The following ALOX5 variants were observed in gnomAD, a reference collection of about 807,000 sequenced individuals.
The protein encoded by ALOX5 is arachidonate 5-lipoxygenase, also known as polyunsaturated fatty acid 5-lipoxygenase.
In ALOX5, 64 loss-of-function variants were observed where a neutral mutation model predicts 87.9. That is an observed-to-expected ratio of 0.73 (90% confidence interval 0.60 to 0.90). The LOEUF (loss-of-function observed/expected upper bound fraction) is 0.90. ALOX5 is among the 40% of genes least tolerant of loss of function. The pLI is 0.00. For missense variants in ALOX5, 822 were observed against 907.5 expected, an observed-to-expected ratio of 0.91 and a Z score of 1.21; for synonymous variants, 388 against 355.1, an observed-to-expected ratio of 1.09 and a Z score of -1.04.
At chr10:45,390,179 A>G (rs952933179) in intron 2 of ALOX5, among the ~76,000 whole-genome samples, 2 of 152,250 alleles carry the variant, frequency 1.3e-5, no homozygotes, top group Non-Finnish European at 2.9e-5. Context: ...AGGAGCACCC[A>G]GATTTATAAA....
intron 8 of ALOX5, among the ~76,000 whole-genome samples, chr10:45,440,843 C>G (rs1842213059): frequency 6.6e-6 from 1 of 152,198 alleles, no homozygotes; most frequent in Non-Finnish European, 1.5e-5. Context: ...GGGGCATGGG[C>G]CTGACACACG....
chr10:45,426,108 G>C (rs924009513), intron 6 of ALOX5, among the ~76,000 whole-genome samples: 1 of 152,238 alleles, frequency 6.6e-6, no homozygotes, highest in African/African-American at 2.4e-5. Flanking sequence ...CACACACTGA[G>C]AGAGCATCTG....
intron 4 of ALOX5, among the ~76,000 whole-genome samples, chr10:45,419,286 A>G (rs2132786788): frequency 6.8e-6 from 1 of 146,654 alleles, no homozygotes; most frequent in South Asian, 2.1e-4. Context: ...AGGCCGAGAG[A>G]GAAAGCGGGG....
At chr10:45,429,654 A>G (rs1841847970) in intron 7 of ALOX5, among the ~76,000 whole-genome samples, 2 of 152,200 alleles carry the variant, frequency 1.3e-5, no homozygotes, top group African/African-American at 2.4e-5. Flanking sequence ...TTTCCATTCA[A>G]TGTGATATGT....
At chr10:45,426,477 C>G (rs1030488625) in intron 6 of ALOX5, among the ~76,000 whole-genome samples, 10 of 152,240 alleles carry the variant, frequency 6.6e-5, no homozygotes, top group Non-Finnish European at 1.3e-4. Flanking sequence ...CTGGCAGCAC[C>G]TTAATGATCT....
intron 7 of ALOX5, among the ~76,000 whole-genome samples, chr10:45,437,359 A>G (rs1446144258): frequency 1.3e-5 from 2 of 152,254 alleles, no homozygotes; most frequent in Admixed American, 1.3e-4. Flanking sequence ...TCAAATAAAA[A>G]GAAATGCTAC....
chr10:45,388,869 A>C (rs1403662594), intron 2 of ALOX5, among the ~76,000 whole-genome samples: 1 of 152,262 alleles, frequency 6.6e-6, no homozygotes, highest in African/African-American at 2.4e-5. Context: ...TGAGAGAAGA[A>C]GGCTTCAGAT....
intron 4 of ALOX5, among the ~76,000 whole-genome samples, chr10:45,422,511 G>A (rs768666222): frequency 2.6e-5 from 4 of 152,232 alleles, no homozygotes; most frequent in Non-Finnish European, 5.9e-5. Context: ...CACCAGGTGA[G>A]GTCACCTCTT....
At chr10:45,418,563 C>CCGAG (rs1217401272) in intron 4 of ALOX5, among the ~76,000 whole-genome samples, 1 of 152,180 alleles carries the variant, frequency 6.6e-6, no homozygotes, top group East Asian at 1.9e-4. Flanking sequence ...GGCAGGGGAC[C>CCGAG]CTCGCTTCAC....
At chr10:45,379,178 C>G (rs949697584) in intron 1 of ALOX5, among the ~76,000 whole-genome samples, 1 of 152,176 alleles carries the variant, frequency 6.6e-6, no homozygotes, top group South Asian at 2.1e-4. Context: ...ATCTCCCTCC[C>G]CTCTTAGTCC....
intron 2 of ALOX5, among the ~76,000 whole-genome samples, chr10:45,392,657 T>C (rs1286725449): frequency 2.0e-5 from 3 of 151,032 alleles, no homozygotes; most frequent in Non-Finnish European, 4.4e-5. Flanking sequence ...TATTGTCCTA[T>C]GACCCTGCCA....
intron 2 of ALOX5, among the ~76,000 whole-genome samples, chr10:45,392,129 G>C (rs1307172060): frequency 3.3e-5 from 5 of 151,858 alleles, no homozygotes; most frequent in African/African-American, 9.7e-5. Context: ...TCCGGGAGGT[G>C]AGGGGTGCCT....
At chr10:45,416,076 G>A (rs990145121) in intron 4 of ALOX5, among the ~76,000 whole-genome samples, 33 of 152,156 alleles carry the variant, frequency 2.2e-4, no homozygotes, top group Admixed American at 2.0e-3. Context: ...GCAGGTAGAC[G>A]AGGCTGAGAA....
At chr10:45,406,092 C>T (rs141538996) in intron 3 of ALOX5, among the ~76,000 whole-genome samples, 147 of 152,302 alleles carry the variant, frequency 9.7e-4, no homozygotes, top group African/African-American at 3.4e-3. Context: ...CTCACACTTA[C>T]TGGCACTTTC....
chr10:45,391,893 T>A (rs34737297), intron 2 of ALOX5, among the ~76,000 whole-genome samples: 14 of 128,742 alleles, frequency 1.1e-4, no homozygotes, highest in Non-Finnish European at 1.8e-4. Flanking sequence ...CAGCCGCCCC[T>A]TCTGAGAAGT....
intron 2 of ALOX5, among the ~76,000 whole-genome samples, chr10:45,384,726 A>G (rs1454835567): frequency 6.6e-6 from 1 of 152,124 alleles, no homozygotes; most frequent in Non-Finnish European, 1.5e-5. Flanking sequence ...CTTCCATCAT[A>G]TTCTACTGGT....
intron 3 of ALOX5, among the ~76,000 whole-genome samples, chr10:45,410,410 C>A: frequency 6.6e-6 from 1 of 152,212 alleles, no homozygotes; most frequent in East Asian, 1.9e-4. Flanking sequence ...AATCTGAGGA[C>A]GTAGAATATT....
At chr10:45,396,851 C>T (rs1167137994) in intron 3 of ALOX5, among the ~76,000 whole-genome samples, 2 of 152,262 alleles carry the variant, frequency 1.3e-5, no homozygotes, top group East Asian at 3.9e-4. Flanking sequence ...ATATAAAAGG[C>T]ATTAAACAAT....
At chr10:45,435,894 A>ACCCTGTTGGCATTGTAAATG (rs1842048102) in intron 7 of ALOX5, among the ~76,000 whole-genome samples, 1 of 152,208 alleles carries the variant, frequency 6.6e-6, no homozygotes, top group Admixed American at 6.5e-5. Flanking sequence ...TTACACTGCC[A>ACCCTGTTGGCATTGTAAATG]CCAACAGTGT....
Sources: gnomAD v4.1 joint callset for allele counts (sites outside exome capture counted in the v4.1 genomes callset) on GRCh38, gnomAD v4.1.1 for gene constraint, MANE v1.5 for transcripts, NCBI Gene and HGNC (gene_info 2026-07-23, HGNC 2026-07-21) for gene names.